The following PLAC1 variants were observed in gnomAD, a reference collection of about 807,000 sequenced individuals.
PLAC1 encodes placenta-specific protein 1.
For synonymous variants in PLAC1, 68 were observed against 62.1 expected, an observed-to-expected ratio of 1.09 and a Z score of -0.44; for missense variants, 136 against 163.2, an observed-to-expected ratio of 0.83 and a Z score of 0.91.
chrX:134,709,551 G>C (rs907520961), intron 2 of PLAC1, among the ~76,000 whole-genome samples: 1 of 111,105 alleles, frequency 9.0e-6, no homozygotes, highest in African/African-American at 3.3e-5. Context: ...GCTTGAACCC[G>C]GGATCGCGCC....
intron 2 of PLAC1, among the ~76,000 whole-genome samples, chrX:134,575,640 G>A (rs1034514556): frequency 5.5e-5 from 6 of 108,880 alleles, no homozygotes; most frequent in African/African-American, 1.7e-4. Flanking sequence ...GTGGTGGCAC[G>A]TGCCTGTAGT....
At chrX:134,709,369 T>C (rs2078620785) in intron 2 of PLAC1, among the ~76,000 whole-genome samples, 1 of 112,427 alleles carries the variant, frequency 8.9e-6, no homozygotes, top group South Asian at 3.7e-4. Context: ...CTCACGCCTA[T>C]AATCTGAGAA....
At chrX:134,672,831 C>G (rs904477304) in intron 2 of PLAC1, among the ~76,000 whole-genome samples, 2 of 112,697 alleles carry the variant, frequency 1.8e-5, no homozygotes, top group African/African-American at 6.4e-5. Context: ...CAGAATGGAT[C>G]TGGTGTTTTT....
chrX:134,687,938 C>T (rs1208497186), intron 2 of PLAC1, among the ~76,000 whole-genome samples: 2 of 98,312 alleles, frequency 2.0e-5, no homozygotes, highest in Non-Finnish European at 4.0e-5. Flanking sequence ...CTTAGTGACG[C>T]CTCACAGTGG....
intron 1 of PLAC1, among the ~76,000 whole-genome samples, chrX:134,613,088 G>A (rs765958716): frequency 1.1e-4 from 12 of 110,830 alleles, no homozygotes; most frequent in Admixed American, 1.9e-4. Flanking sequence ...GGGAGGCTGA[G>A]TTGGGAGGAT....
rs768840696 is a variant in PLAC1, at chrX:134,648,104, C to T, written c.-131+10224G>A. Among the ~76,000 whole-genome samples, 52 of 111,360 alleles carry T rather than the reference C, an allele frequency of 4.7e-4. No individual in the cohort carries two copies. The South Asian group carries it at 0.02, about 43-fold the overall frequency. On this transcript the variant is annotated intron_variant, in intron 1 of 2. Transcript: ENST00000359237. ...GAATTTCAGCTTTTAAAAATTCATT[C>T]CTTTTATTTGAAAGACCTTATGTGT... is the stretch of plus-strand genomic sequence containing the variant.
chrX:134,598,088 T>A (rs2078070402), intron 2 of PLAC1, among the ~76,000 whole-genome samples: 1 of 112,422 alleles, frequency 8.9e-6, no homozygotes, highest in African/African-American at 3.2e-5. Context: ...TAGGGAAAAG[T>A]ACATCTACTC....
chrX:134,667,811 C>A (rs2078442361), intron 2 of PLAC1, among the ~76,000 whole-genome samples: 1 of 109,528 alleles, frequency 9.1e-6, no homozygotes, highest in African/African-American at 3.3e-5. Context: ...CCTGTAGTCC[C>A]AGCTACTCAG....
intron 2 of PLAC1, among the ~76,000 whole-genome samples, chrX:134,722,309 A>T (rs922954102): frequency 8.9e-6 from 1 of 112,530 alleles, no homozygotes; most frequent in Non-Finnish European, 1.9e-5. Flanking sequence ...GGATAAAGAA[A>T]ATTTGGTATA....
intron 1 of PLAC1, chrX:134,650,946 C>T (rs1010612035): frequency 4.7e-6 from 1 of 211,176 alleles, no homozygotes; most frequent in Non-Finnish European, 9.9e-6. Flanking sequence ...CAAGGCTCAG[C>T]TCAGGGAGCT....
chrX:134,692,819 C>T (rs994660087), intron 2 of PLAC1, among the ~76,000 whole-genome samples: 1 of 111,493 alleles, frequency 9.0e-6, no homozygotes, highest in Non-Finnish European at 1.9e-5. Flanking sequence ...TCCCCCCACA[C>T]GCACAACTCA....
At chrX:134,707,257 G>A (rs1414521328) in intron 2 of PLAC1, among the ~76,000 whole-genome samples, 1 of 112,356 alleles carries the variant, frequency 8.9e-6, no homozygotes, top group African/African-American at 3.2e-5. Flanking sequence ...GGAAAATCAA[G>A]ACATCCTTAG....
At chrX:134,745,028 T>C (rs1486180153) in intron 1 of PLAC1, among the ~76,000 whole-genome samples, 1 of 111,586 alleles carries the variant, frequency 9.0e-6, no homozygotes, top group Non-Finnish European at 1.9e-5. Flanking sequence ...CCTTCCAAAA[T>C]GAGAAAGCTT....
upstream of PLAC1, among the ~76,000 whole-genome samples, chrX:134,663,164 A>G (rs1381365045): frequency 1.8e-5 from 2 of 112,387 alleles, no homozygotes; most frequent in Non-Finnish European, 3.8e-5. Context: ...CATTTATGTC[A>G]CTATGTGAAT....
intron 1 of PLAC1, among the ~76,000 whole-genome samples, chrX:134,734,962 T>A (rs2078699250): frequency 9.0e-6 from 1 of 111,528 alleles, no homozygotes; most frequent in African/African-American, 3.3e-5. Context: ...CTGTGGCTAT[T>A]TCAGTTGCTA....
intron 2 of PLAC1, among the ~76,000 whole-genome samples, chrX:134,687,916 G>A (rs2078523879): frequency 5.6e-5 from 5 of 89,524 alleles, no homozygotes; most frequent in Admixed American, 4.0e-4. Context: ...ATACACAATC[G>A]TTATTATGAG....
intron 1 of PLAC1, among the ~76,000 whole-genome samples, chrX:134,621,283 T>C (rs1190658334): frequency 9.2e-6 from 1 of 108,205 alleles, no homozygotes; most frequent in Non-Finnish European, 1.9e-5. Context: ...CCATCTCTAC[T>C]AAAACTACAA....
At chrX:134,647,574 C>T (rs2078340840) in intron 1 of PLAC1, among the ~76,000 whole-genome samples, 1 of 109,967 alleles carries the variant, frequency 9.1e-6, no homozygotes, top group African/African-American at 3.3e-5. Context: ...TAAACACCTG[C>T]TGGTTCCATC....
chrX:134,759,359 C>T (rs940381300), intron 1 of PLAC1, among the ~76,000 whole-genome samples: 8 of 110,538 alleles, frequency 7.2e-5, no homozygotes, highest in African/African-American at 1.3e-4. Context: ...GCATATTGTC[C>T]GGGCTGGTCT....
Sources: allele counts gnomAD v4.1 joint callset (sites outside exome capture counted in the v4.1 genomes callset), GRCh38; gene constraint gnomAD v4.1.1; transcripts MANE v1.5; gene names NCBI Gene and HGNC (gene_info 2026-07-23, HGNC 2026-07-21).